CCDC92: variants seen among roughly 807,000 people sequenced by gnomAD.
CCDC92 encodes coiled-coil domain containing 92.
CCDC92 carries 12 observed loss-of-function variants against 24.9 expected under a neutral mutation model. That is an observed-to-expected ratio of 0.48 (90% CI 0.31 to 0.78). The LOEUF is 0.78. Among genes scored for constraint, CCDC92 ranks in the 30% least tolerant of loss-of-function variants. The probability of loss-of-function intolerance (pLI) is 0.05; values close to 1 mark genes in which losing one functional copy is unlikely to be tolerated. For missense variants in CCDC92, 399 were observed against 439.4 expected (o/e 0.91, Z 0.82); for synonymous variants, 193 against 196.3 (o/e 0.98, Z 0.14).
At chr12:123,971,620 G>A (rs781230153) in intron 1 of CCDC92, 1 of 152,190 alleles carries the variant, frequency 6.6e-6, no homozygotes, top group African/African-American at 2.4e-5. Flanking sequence ...TACAGAGCGC[G>A]GTTATATTTT....
rs1955574797 is a variant in CCDC92 at position 123,937,980 on chromosome 12, A to C, written c.224-150T>G. ...GCAGGGCTGTGGGGGCTCTGGAAAG[A>C]CCCCTCCCCTCCCCGAGGTGGGGAG... On this transcript the variant is annotated intron_variant, in intron 4 of 4. Coordinates refer to ENST00000238156, the MANE Select transcript of CCDC92 (RefSeq NM_025140.3). The surrounding 1 kb of genome is among the most constrained non-coding windows in gnomAD (Gnocchi z 8.4). 2.7e-6 allele frequency: 2 copies of C among 743,438 alleles called. No homozygotes were observed. The highest frequency in any genetic ancestry group is 4.3e-6 in the Non-Finnish European group (2 of 468,762). The allele number at this position is 743,438 out of a possible 1,614,324, so 46.1% of individuals were successfully genotyped here.
intron 1 of CCDC92, among the ~76,000 whole-genome samples, chr12:123,965,484 G>A (rs1363473680): frequency 6.6e-6 from 1 of 152,050 alleles, no homozygotes; most frequent in East Asian, 2.0e-4. Flanking sequence ...AAAACAGTGA[G>A]GGCTGCACGC....
At chr12:123,961,836 T>C (rs942081066) in intron 1 of CCDC92, among the ~76,000 whole-genome samples, 2 of 152,276 alleles carry the variant, frequency 1.3e-5, no homozygotes, top group African/African-American at 4.8e-5. Context: ...CAAATAAGCT[T>C]GGAGGGTTAA....
At chr12:123,949,451 T>TG (rs1165265415) in intron 1 of CCDC92, among the ~76,000 whole-genome samples, 1 of 152,160 alleles carries the variant, frequency 6.6e-6, no homozygotes, top group Admixed American at 6.6e-5. Flanking sequence ...CTGCAGAAAA[T>TG]GGGGCTCCAA....
chr12:123,960,266 C>A (rs1267416275), intron 1 of CCDC92, among the ~76,000 whole-genome samples: 2 of 152,190 alleles, frequency 1.3e-5, no homozygotes, highest in African/African-American at 4.8e-5. Flanking sequence ...CCCTCCCCAA[C>A]CCCATCATTA....
chr12:123,948,403 C>T (rs1955937206), intron 1 of CCDC92, among the ~76,000 whole-genome samples: 2 of 152,246 alleles, frequency 1.3e-5, no homozygotes, highest in South Asian at 2.1e-4. Context: ...TATAACAACG[C>T]TGTGTGTCAT....
At position 123,965,828 on chromosome 12, in the gene CCDC92, T is replaced by C. The variant is rs188337648; in HGVS notation, c.-60+6701A>G. On this transcript the variant is annotated intron_variant, in intron 1 of 4. Transcript: ENST00000238156. ...CATATGTGGGTGGCATGCTCCAAAT[T>C]TACCAGTGTAGCTCATCAGCACTGT... Among the ~76,000 whole-genome samples, 5 of 152,184 alleles carry C rather than the reference T, an allele frequency of 3.3e-5. No homozygotes were observed. The East Asian group carries it at 9.9e-4, about 30-fold the overall frequency.
chr12:123,946,544 C>G (rs1172113571), intron 1 of CCDC92: 1 of 152,590 alleles, frequency 6.6e-6, no homozygotes, highest in African/African-American at 2.4e-5. Context: ...CTTTGTGTCT[C>G]TGTGAGGGTC....
At chr12:123,961,443 G>A (rs552517707) in intron 1 of CCDC92, among the ~76,000 whole-genome samples, 8 of 152,310 alleles carry the variant, frequency 5.3e-5, no homozygotes, top group Non-Finnish European at 8.8e-5. Flanking sequence ...GTTTTAGAAG[G>A]AACATGAGAC....
intron 4 of CCDC92, among the ~76,000 whole-genome samples, chr12:123,941,520 T>C (rs1955684661): frequency 6.6e-6 from 1 of 152,230 alleles, no homozygotes; most frequent in Non-Finnish European, 1.5e-5. Flanking sequence ...GACACTCTCA[T>C]GAATAGTAAC....
chr12:123,964,761 A>G (rs1338742170), intron 1 of CCDC92, among the ~76,000 whole-genome samples: 1 of 152,224 alleles, frequency 6.6e-6, no homozygotes, highest in Non-Finnish European at 1.5e-5. Context: ...ATCTTTATAA[A>G]TTGCTTTTTA....
intron 1 of CCDC92, among the ~76,000 whole-genome samples, chr12:123,949,937 T>C (rs1955982106): frequency 6.6e-6 from 1 of 152,244 alleles, no homozygotes; most frequent in Non-Finnish European, 1.5e-5. Flanking sequence ...GTGCTATCCC[T>C]TCCTCTCAGG....
At chr12:123,944,986 ATTTAT>A (rs1359878047) in intron 1 of CCDC92, 1 of 152,146 alleles carries the variant, frequency 6.6e-6, no homozygotes, top group Non-Finnish European at 1.5e-5. Context: ...TGAACTAGCA[ATTTAT>A]TTTTAGAAAT....
At chr12:123,952,742 G>C (rs1956057582) in intron 1 of CCDC92, among the ~76,000 whole-genome samples, 1 of 152,112 alleles carries the variant, frequency 6.6e-6, no homozygotes, top group Admixed American at 6.5e-5. Context: ...AATGACTCCA[G>C]GAATATTTTG....
chr12:123,959,404 A>G (rs1033935098), intron 1 of CCDC92, among the ~76,000 whole-genome samples: 20 of 151,908 alleles, frequency 1.3e-4, no homozygotes, highest in African/African-American at 4.4e-4. Context: ...TCCTGGGTTT[A>G]AGCGATTCTC....
chr12:123,944,480 T>C, intron 1 of CCDC92, 116 bp from the exon 2 acceptor site: 1 of 568,854 alleles, frequency 1.8e-6, no homozygotes, highest in Non-Finnish European at 2.9e-6. Flanking sequence ...AGGTACAACT[T>C]CTCAATGGCT....
chr12:123,941,286 T>G (rs1299097722), intron 4 of CCDC92, among the ~76,000 whole-genome samples: 1 of 151,540 alleles, frequency 6.6e-6, no homozygotes, highest in Non-Finnish European at 1.5e-5. Context: ...TCGGGGGAGG[T>G]CCCTGGTATC....
At chr12:123,942,901 C>A in intron 3 of CCDC92, 116 bp from the exon 4 acceptor site, 1 of 814,396 alleles carries the variant, frequency 1.2e-6, no homozygotes, top group Non-Finnish European at 2.1e-6. Flanking sequence ...CCAGACAGAG[C>A]AGGGTTTGGC....
chr12:123,964,736 A>C (rs1956351516), intron 1 of CCDC92, among the ~76,000 whole-genome samples: 2 of 152,252 alleles, frequency 1.3e-5, no homozygotes, highest in African/African-American at 4.8e-5. Context: ...GGGAGCTGTA[A>C]TTTAAGAAAC....
Sources: allele counts gnomAD v4.1 joint callset (sites outside exome capture counted in the v4.1 genomes callset), GRCh38; gene constraint gnomAD v4.1.1; non-coding constraint Gnocchi (gnomAD v3.1); transcripts MANE v1.5; gene names NCBI Gene and HGNC (gene_info 2026-07-23, HGNC 2026-07-21).